Variants in TRAPPC9 observed in about 807,000 individuals in gnomAD.
The protein encoded by TRAPPC9 is trafficking protein particle complex subunit 9, also known as IKK2 binding protein.
Under a neutral mutation model 124.0 loss-of-function variants are expected in TRAPPC9, and 83 were observed. The ratio of observed to expected loss-of-function variants is 0.67; its 90% CI spans 0.56 to 0.80. The LOEUF is 0.80. Among genes scored for constraint, TRAPPC9 ranks in the 30% least tolerant of loss-of-function variants. The pLI is 0.00. For synonymous variants in TRAPPC9, 638 were observed against 617.5 expected (o/e 1.03, Z -0.49); for missense variants, 1,302 against 1,508.3 (o/e 0.86, Z 2.27).
At chr8:140,299,248 G>C (rs767026534) in intron 11 of TRAPPC9, among the ~76,000 whole-genome samples, 1 of 152,180 alleles carries the variant, frequency 6.6e-6, no homozygotes, top group Non-Finnish European at 1.5e-5. Context: ...CTAAACCAGA[G>C]TGATGGTGGC....
intron 17 of TRAPPC9, among the ~76,000 whole-genome samples, chr8:140,170,508 A>T (rs2061946245): frequency 6.6e-6 from 1 of 152,186 alleles, no homozygotes; most frequent in Admixed American, 6.5e-5. Context: ...GGGTTGTGGG[A>T]GAAAGGTAGA....
At chr8:140,154,061 T>C (rs538947619) in intron 17 of TRAPPC9, among the ~76,000 whole-genome samples, 1 of 152,282 alleles carries the variant, frequency 6.6e-6, no homozygotes, top group South Asian at 2.1e-4. Flanking sequence ...GCTGTCGACT[T>C]TGCTTGGATG....
intron 19 of TRAPPC9, among the ~76,000 whole-genome samples, chr8:139,924,200 T>C (rs1043096937): frequency 3.3e-5 from 5 of 152,316 alleles, no homozygotes; most frequent in Middle Eastern, 6.8e-3. Context: ...CTTGAAGTGT[T>C]TTCTTGCTGT....
intron 12 of TRAPPC9, 102 bp downstream of exon 12, chr8:140,290,891 G>C: frequency 2.2e-6 from 2 of 914,696 alleles, no homozygotes; most frequent in Non-Finnish European, 3.6e-6. Context: ...CATAAAAACA[G>C]ACACATATCG....
chr8:140,319,912 G>C lies in TRAPPC9; in HGVS notation c.1496-8538C>G, dbSNP rs975305224. On this transcript the variant is annotated intron_variant, in intron 9 of 22. Transcript: ENST00000438773. Reference sequence around the variant, plus strand: ...ACTGGCTTGAAAACCAGTGCATCACGATTTCACAGTTATTCTTGTCTCTGC... The same window carrying C: ...ACTGGCTTGAAAACCAGTGCATCACCATTTCACAGTTATTCTTGTCTCTGC... Among the ~76,000 whole-genome samples, 5 of 152,186 alleles carry C rather than the reference G, an allele frequency of 3.3e-5. No homozygotes were observed. The South Asian group carries it at 1.0e-3, about 32-fold the overall frequency.
intron 5 of TRAPPC9, among the ~76,000 whole-genome samples, chr8:140,406,087 G>A (rs373326626): frequency 1.1e-4 from 17 of 152,030 alleles, no homozygotes; most frequent in Admixed American, 4.6e-4. Context: ...GGTCAACTAC[G>A]CAAAAGCATT....
chr8:140,235,163 G>A (rs1404277287), intron 16 of TRAPPC9, among the ~76,000 whole-genome samples: 1 of 152,078 alleles, frequency 6.6e-6, no homozygotes, highest in Admixed American at 6.6e-5. Context: ...AGTAGAGATA[G>A]GGTTTCACCA....
chr8:140,056,420 A>C (rs190451750), intron 17 of TRAPPC9, among the ~76,000 whole-genome samples: 22 of 152,084 alleles, frequency 1.4e-4, no homozygotes, highest in African/African-American at 4.6e-4. Flanking sequence ...TAAAAAAAAA[A>C]CAAAAAACAA....
At chr8:139,840,781 C>T (rs1010465894) in intron 21 of TRAPPC9, among the ~76,000 whole-genome samples, 2 of 152,224 alleles carry the variant, frequency 1.3e-5, no homozygotes, top group Admixed American at 6.5e-5. Flanking sequence ...GCCCCGCCCA[C>T]AGCCCAGGGT....
At chr8:140,332,982 C>T (rs1489540465) in intron 9 of TRAPPC9, among the ~76,000 whole-genome samples, 2 of 152,014 alleles carry the variant, frequency 1.3e-5, no homozygotes, top group South Asian at 2.1e-4. Flanking sequence ...GAAAATTAGC[C>T]GGACACAGTG....
At chr8:140,301,187 C>A (rs1409171976) in intron 10 of TRAPPC9, among the ~76,000 whole-genome samples, 1 of 152,220 alleles carries the variant, frequency 6.6e-6, no homozygotes, top group South Asian at 2.1e-4. Context: ...GTCAACAGCA[C>A]CCTCTGCTCT....
intron 19 of TRAPPC9, among the ~76,000 whole-genome samples, chr8:139,934,477 T>C (rs1054211917): frequency 6.6e-6 from 1 of 152,238 alleles, no homozygotes; most frequent in Non-Finnish European, 1.5e-5. Flanking sequence ...TTCCAATCTC[T>C]TGTAGGCCAT....
At chr8:139,820,279 C>G (rs1445646515) in intron 21 of TRAPPC9, among the ~76,000 whole-genome samples, 1 of 151,976 alleles carries the variant, frequency 6.6e-6, no homozygotes, top group Non-Finnish European at 1.5e-5. Context: ...CTCTTGGGTT[C>G]AAGCAATTCT....
chr8:139,735,920 G>A (rs982478970), intron 21 of TRAPPC9, among the ~76,000 whole-genome samples: 7 of 152,362 alleles, frequency 4.6e-5, no homozygotes, highest in Admixed American at 2.0e-4. Context: ...TTAGGTGTGA[G>A]GCCAGGGTGG....
intron 21 of TRAPPC9, among the ~76,000 whole-genome samples, chr8:139,773,148 G>A (rs1045705883): frequency 1.3e-5 from 2 of 152,250 alleles, no homozygotes; most frequent in African/African-American, 4.8e-5. Context: ...CGGGAGTCAC[G>A]TGGCTGCACC....
chr8:140,258,394 A>T (rs1465135770), intron 15 of TRAPPC9, among the ~76,000 whole-genome samples: 1 of 152,270 alleles, frequency 6.6e-6, no homozygotes, highest in Admixed American at 6.5e-5. Context: ...TAATCTATAG[A>T]ACATAAAGAT....
chr8:140,051,289 G>T (rs1397806536), intron 17 of TRAPPC9, among the ~76,000 whole-genome samples: 1 of 152,244 alleles, frequency 6.6e-6, no homozygotes, highest in African/African-American at 2.4e-5. Flanking sequence ...TGTGGGACCT[G>T]CCAGGATGGA....
In TRAPPC9 at chr8:139,788,722, C is replaced by T. The variant is rs915086954; in HGVS notation, c.3056-56520G>A. Among the ~76,000 whole-genome samples, 2 of 152,166 alleles carry T rather than the reference C, an allele frequency of 1.3e-5. No individual in the cohort carries two copies. Among genetic ancestry groups the T allele is most frequent in the African/African-American group, 4.8e-5 (2 of 41,458 alleles). ...TTACCATCACGCCTGCCTTCGTGGG[C>T]GCAGGCTGAGCACAAGGTCCACAGC... On this transcript the variant is annotated intron_variant, in intron 21 of 22. Transcript: ENST00000438773. The surrounding 1 kb of genome is among the most constrained non-coding windows in gnomAD (Gnocchi z 4.9).
chr8:140,212,177 C>A (rs2131258646), intron 17 of TRAPPC9, among the ~76,000 whole-genome samples: 1 of 152,374 alleles, frequency 6.6e-6, no homozygotes, highest in Non-Finnish European at 1.5e-5. Flanking sequence ...TGGCTGGCCT[C>A]AGGCAAGCGC....
Sources: allele counts gnomAD v4.1 joint callset (sites outside exome capture counted in the v4.1 genomes callset), GRCh38; gene constraint gnomAD v4.1.1; non-coding constraint Gnocchi (gnomAD v3.1); transcripts MANE v1.5; gene names NCBI Gene and HGNC (gene_info 2026-07-23, HGNC 2026-07-21).